DCBLD2: variants seen among roughly 807,000 people sequenced by gnomAD.
DCBLD2 encodes discoidin, CUB and LCCL domain containing 2, also known as discoidin, CUB and LCCL domain-containing protein 2.
Under a neutral mutation model 86.8 loss-of-function variants are expected in DCBLD2, and 54 were observed. The observed-to-expected ratio is 0.62, with a 90% CI of 0.50 to 0.78. DCBLD2 has a LOEUF of 0.78. Among genes scored for constraint, DCBLD2 ranks in the 30% least tolerant of loss-of-function variants. The probability of loss-of-function intolerance (pLI) is 0.00; values close to 1 mark genes in which losing one functional copy is unlikely to be tolerated. For missense variants in DCBLD2, 908 were observed against 954.2 expected (o/e 0.95, Z 0.64); for synonymous variants, 354 against 341.3 (o/e 1.04, Z -0.41).
At chr3:98,897,217 T>C (rs1943765852) in intron 1 of DCBLD2, among the ~76,000 whole-genome samples, 1 of 152,222 alleles carries the variant, frequency 6.6e-6, no homozygotes, top group Non-Finnish European at 1.5e-5. Context: ...ATGTTCTTTT[T>C]GTTTCTAACA....
At chr3:98,841,510 A>C (rs1173613587) in intron 3 of DCBLD2, among the ~76,000 whole-genome samples, 1 of 152,242 alleles carries the variant, frequency 6.6e-6, no homozygotes, top group Non-Finnish European at 1.5e-5. Flanking sequence ...TTAACAAATG[A>C]ATCAAAAAAT....
At chr3:98,871,566 T>C (rs972084989) in intron 2 of DCBLD2, among the ~76,000 whole-genome samples, 1 of 152,222 alleles carries the variant, frequency 6.6e-6, no homozygotes, top group Non-Finnish European at 1.5e-5. Context: ...TATATTTATG[T>C]GGTGAATCAC....
At chr3:98,871,999 C>T (rs942547444) in intron 2 of DCBLD2, among the ~76,000 whole-genome samples, 1 of 152,118 alleles carries the variant, frequency 6.6e-6, no homozygotes, top group Non-Finnish European at 1.5e-5. Context: ...ATTTCTGTTT[C>T]TTCCTGATTC....
intron 1 of DCBLD2, among the ~76,000 whole-genome samples, chr3:98,884,197 C>A (rs1270356425): frequency 6.6e-6 from 1 of 151,986 alleles, no homozygotes; most frequent in African/African-American, 2.4e-5. Context: ...GCTTTCTGAA[C>A]AAGTATCTCT....
chr3:98,854,253 A>G (rs548388399), intron 2 of DCBLD2, among the ~76,000 whole-genome samples: 3 of 152,312 alleles, frequency 2.0e-5, no homozygotes, highest in Admixed American at 2.0e-4. Flanking sequence ...CTATCATTAA[A>G]TAACTCCCAT....
chr3:98,857,044 G>A (rs543052173), intron 2 of DCBLD2, among the ~76,000 whole-genome samples: 3 of 152,324 alleles, frequency 2.0e-5, no homozygotes, highest in African/African-American at 4.8e-5. Flanking sequence ...AAGGTGGCAT[G>A]TCCGGAGTTT....
At chr3:98,832,644 T>G (rs1942343784) in intron 3 of DCBLD2, among the ~76,000 whole-genome samples, 1 of 152,228 alleles carries the variant, frequency 6.6e-6, no homozygotes, top group East Asian at 1.9e-4. Flanking sequence ...GGTAATGAAC[T>G]CGCTTAGCAT....
Position 98,811,531 on chromosome 3 carries a change from G to T in DCBLD2, c.1387C>A (p.Pro463Thr). ...PKGRPPKLTQ[P>T]PPPRNSNDLK... Reference sequence around the variant, plus strand: ...TCATTGCTGTTCCGAGGAGGTGGAGGTTGAGTAAGTTTTGGAGGACGACCT... The same window carrying T: ...TCATTGCTGTTCCGAGGAGGTGGAGTTTGAGTAAGTTTTGGAGGACGACCT... The change falls in exon 11 of 16, where the codon CCT becomes ACT. Residue 463 changes from proline (P) to threonine (T), a missense_variant. Physicochemically the swap from Pro to Thr is conservative, Grantham distance 38. Around this residue, in one of 3 missense-constraint regions of DCBLD2, gnomAD observed 606 missense variants for 678.5 expected, o/e 0.89. Transcript: ENST00000326840. 6.3e-7 allele frequency: 1 copy of T among 1,588,266 alleles called. No homozygotes were observed. The highest frequency in any genetic ancestry group is 8.5e-7 in the Non-Finnish European group (1 of 1,170,158).
chr3:98,806,393 T>C (rs1254133911), intron 13 of DCBLD2, among the ~76,000 whole-genome samples: 1 of 152,226 alleles, frequency 6.6e-6, no homozygotes, highest in Non-Finnish European at 1.5e-5. Flanking sequence ...TCATCACTAC[T>C]ATCACTGTTG....
rs139864835 is a variant in DCBLD2 at position 98,880,545 on chromosome 3, T to C, written c.433+995A>G. 2.0e-5 allele frequency among the ~76,000 whole-genome samples: 3 copies of C among 152,284 alleles called. No individual in the cohort carries two copies. The East Asian group carries it at 5.8e-4, about 29-fold the overall frequency. On this transcript the variant is annotated intron_variant, in intron 2 of 15. Transcript: ENST00000326840. ...TGAGGCCTGGGTTCCACCTAATCAATTCTGATTCAACTGGTCTAGGATGGT... is the reference window on the plus strand; with the variant it reads ...TGAGGCCTGGGTTCCACCTAATCAACTCTGATTCAACTGGTCTAGGATGGT...
At position 98,799,407 on chromosome 3, in the gene DCBLD2, C is replaced by G; in HGVS notation, c.2293G>C (p.Asp765His). 6.2e-7 allele frequency: 1 copy of G among 1,613,020 alleles called. No homozygotes were observed. Among genetic ancestry groups the G allele is most frequent in the Non-Finnish European group, 8.5e-7 (1 of 1,179,192 alleles). ...TCTTTAAAAACATCACATTCCCCATCCCTTCCTGCTCCTGATACTTCTTGT... is the reference window on the plus strand; with the variant it reads ...TCTTTAAAAACATCACATTCCCCATGCCTTCCTGCTCCTGATACTTCTTGT... ...STQEVSGAGR[D>H]GECDVFKEIL Residue 765 changes from aspartate to histidine, a missense_variant, in exon 16 of 16, where the codon GAT becomes CAT. By Grantham distance (81) the Asp-to-His change is moderately conservative. Coordinates refer to ENST00000326840, the MANE Select transcript of DCBLD2 (RefSeq NM_080927.4).
intron 13 of DCBLD2, among the ~76,000 whole-genome samples, chr3:98,802,956 G>GTAGT (rs1941757692): frequency 3.3e-5 from 5 of 152,158 alleles, no homozygotes; most frequent in Admixed American, 2.0e-4. Context: ...CTGTAGCCTT[G>GTAGT]TAGTATAGTT....
At chr3:98,828,289 C>T (rs569692938) in intron 3 of DCBLD2, among the ~76,000 whole-genome samples, 2 of 152,226 alleles carry the variant, frequency 1.3e-5, no homozygotes, top group Non-Finnish European at 1.5e-5. Context: ...TGGGAGAAAA[C>T]ATTCACAAAT....
At chr3:98,865,762 G>A (rs1289523736) in intron 2 of DCBLD2, among the ~76,000 whole-genome samples, 4 of 151,708 alleles carry the variant, frequency 2.6e-5, no homozygotes, top group East Asian at 3.9e-4. Flanking sequence ...TGTGCACAAC[G>A]TGCAGGTGAC....
In DCBLD2 at chr3:98,816,931, G is replaced by A. The variant is rs142391353; in HGVS notation, c.1212+838C>T. Among the ~76,000 whole-genome samples, 658 of 152,172 alleles carry A rather than the reference G, an allele frequency of 4.3e-3. 3 individuals carry two copies. Among genetic ancestry groups the A allele is most frequent in the African/African-American group, 0.014 (595 of 41,512 alleles). ...CAAGAAACTGGGACTACAGGCATGC[G>A]CCACCATGCCTGGCTAATTTTCTGT... On this transcript the variant is annotated intron_variant, in intron 9 of 15. Coordinates refer to ENST00000326840, the MANE Select transcript of DCBLD2 (RefSeq NM_080927.4).
chr3:98,803,613 G>A (rs925205734), intron 13 of DCBLD2, among the ~76,000 whole-genome samples: 2 of 152,180 alleles, frequency 1.3e-5, no homozygotes, highest in Non-Finnish European at 2.9e-5. Flanking sequence ...GGGCATCCCT[G>A]TCTTGTGCCA....
chr3:98,824,779 T>C (rs1190067052), intron 4 of DCBLD2, among the ~76,000 whole-genome samples: 1 of 152,112 alleles, frequency 6.6e-6, no homozygotes, highest in African/African-American at 2.4e-5. Flanking sequence ...TCATAATAAG[T>C]AGTTTCTCAA....
At chr3:98,870,737 AAAAGAAAGAAAGAAAGAAAGAAAG>A (rs199615171) in intron 2 of DCBLD2, among the ~76,000 whole-genome samples, 178 of 69,820 alleles carry the variant, frequency 2.5e-3, no homozygotes, top group South Asian at 7.6e-3. Flanking sequence ...AAAAGAAAGA[AAAAGAAAGAAAGAAAGAAAGAAAG>A]AAAGAAAGAA....
At chr3:98,861,452 C>G (rs1943042386) in intron 2 of DCBLD2, among the ~76,000 whole-genome samples, 2 of 136,784 alleles carry the variant, frequency 1.5e-5, no homozygotes, top group African/African-American at 5.6e-5. Context: ...TGCACTTATT[C>G]CAAAATTGAC....
Sources: gnomAD v4.1 joint callset for allele counts (sites outside exome capture counted in the v4.1 genomes callset) on GRCh38, gnomAD v4.1.1 for gene constraint, gnomAD v4.1.1 regional missense constraint, MANE v1.5 for transcripts, NCBI Gene and HGNC (gene_info 2026-07-23, HGNC 2026-07-21) for gene names.